Variants in FER observed in about 807,000 individuals in gnomAD.
FER encodes tyrosine-protein kinase Fer.
A neutral mutation model predicts 111.0 loss-of-function variants in FER; 63 were observed. The observed-to-expected ratio is 0.57, with a 90% CI of 0.46 to 0.70. The LOEUF (loss-of-function observed/expected upper bound fraction) is 0.70, where lower values mean the gene tolerates loss of function less well. Among genes scored for constraint, FER ranks in the 30% least tolerant of loss-of-function variants. The pLI is 0.00. For missense variants in FER, 914 were observed against 954.0 expected (o/e 0.96, Z 0.55); for synonymous variants, 327 against 313.9 (o/e 1.04, Z -0.44).
intron 16 of FER, among the ~76,000 whole-genome samples, chr5:109,054,043 A>G (rs1351913202): frequency 2.0e-5 from 3 of 152,032 alleles, no homozygotes; most frequent in African/African-American, 7.3e-5. Context: ...CTGTTGATAG[A>G]CTTTTGGATG....
At chr5:108,889,155 C>T (rs1747631305) in intron 9 of FER, among the ~76,000 whole-genome samples, 1 of 151,738 alleles carries the variant, frequency 6.6e-6, no homozygotes, top group African/African-American at 2.4e-5. Context: ...TTTGGAGGTA[C>T]CTGAAAAAAC....
chr5:109,010,610 A>G (rs1372730594), intron 13 of FER, among the ~76,000 whole-genome samples: 1 of 151,850 alleles, frequency 6.6e-6, no homozygotes, highest in Admixed American at 6.6e-5. Context: ...CATAATCCCT[A>G]TTTCTCACCC....
Position 109,058,339 on chromosome 5 carries a change from T to C in FER, c.1924+11141T>C, listed in dbSNP as rs1399220228. On this transcript the variant is annotated intron_variant, in intron 16 of 19. Coordinates refer to ENST00000281092, the MANE Select transcript of FER (RefSeq NM_005246.4). ...CTGGCACTCACAACTTCTCTTATTG[T>C]ACTGGGTGTTCTAGTTGGTGCAATA... 3.9e-5 allele frequency among the ~76,000 whole-genome samples: 6 copies of C among 152,288 alleles called. No individual in the cohort carries two copies. In the East Asian group the frequency reaches 1.2e-3, roughly 29 times the overall value.
At chr5:108,990,783 T>A (rs1763073037) in intron 13 of FER, among the ~76,000 whole-genome samples, 1 of 151,672 alleles carries the variant, frequency 6.6e-6, no homozygotes, top group Non-Finnish European at 1.5e-5. Flanking sequence ...ATCTTTAAAA[T>A]GAAGGAAGCT....
chr5:108,881,143 T>G (rs1298205661), intron 8 of FER, among the ~76,000 whole-genome samples: 1 of 152,186 alleles, frequency 6.6e-6, no homozygotes, highest in Non-Finnish European at 1.5e-5. Flanking sequence ...TGCACTCACA[T>G]ATAAACACAT....
Position 109,168,930 on chromosome 5 carries a change from A to G in FER, c.2049-11817A>G, listed in dbSNP as rs546295714. Among the ~76,000 whole-genome samples, 4 of 152,362 alleles carry G rather than the reference A, an allele frequency of 2.6e-5. No homozygotes were observed. In the South Asian group the frequency reaches 8.3e-4, roughly 32 times the overall value. On this transcript the variant is annotated intron_variant, in intron 17 of 19. Coordinates refer to ENST00000281092, the MANE Select transcript of FER (RefSeq NM_005246.4). The stretch of plus-strand genomic sequence containing the variant: ...CAGGCATGATAAATTTTACATTTAT[A>G]GAAATTATTTTGTCCACCTGGAGTC...
intron 14 of FER, among the ~76,000 whole-genome samples, 175 bp downstream of exon 14, chr5:109,037,653 A>G (rs1287538191): frequency 9.9e-5 from 15 of 152,074 alleles, no homozygotes; most frequent in Admixed American, 9.8e-4. Context: ...TAGATGTGTG[A>G]AAGTCTTTGA....
intron 10 of FER, among the ~76,000 whole-genome samples, chr5:108,940,661 G>T (rs568701372): frequency 4.3e-4 from 66 of 152,124 alleles, no homozygotes; most frequent in African/African-American, 1.5e-3. Context: ...GAATCTAGAG[G>T]AGCCTAACCC....
intron 2 of FER, among the ~76,000 whole-genome samples, chr5:108,772,512 G>A (rs372292274): frequency 6.6e-6 from 1 of 150,574 alleles, no homozygotes; most frequent in East Asian, 2.0e-4. Context: ...CATCTCTTCT[G>A]GGAATTGCCT....
chr5:109,008,044 T>C (rs996756583), intron 13 of FER, among the ~76,000 whole-genome samples: 1 of 152,230 alleles, frequency 6.6e-6, no homozygotes, highest in Non-Finnish European at 1.5e-5. Flanking sequence ...TTGAGCATCA[T>C]TTCATGTGGT....
At chr5:109,184,006 A>C (rs2126873380) in intron 18 of FER, among the ~76,000 whole-genome samples, 1 of 152,286 alleles carries the variant, frequency 6.6e-6, no homozygotes, top group East Asian at 1.9e-4. Flanking sequence ...TTTAAAAAAA[A>C]ATACAAAATG....
intron 8 of FER, among the ~76,000 whole-genome samples, chr5:108,878,230 T>G (rs1280176140): frequency 6.6e-6 from 1 of 152,172 alleles, no homozygotes; most frequent in Admixed American, 6.6e-5. Context: ...TTAATACAAT[T>G]AAATCTTTAA....
chr5:108,800,206 C>T (rs887071037), intron 3 of FER, among the ~76,000 whole-genome samples: 13 of 152,116 alleles, frequency 8.5e-5, no homozygotes, highest in African/African-American at 2.7e-4. Flanking sequence ...CACTTATCTG[C>T]TTTTCATTTT....
intron 9 of FER, among the ~76,000 whole-genome samples, chr5:108,888,701 T>C (rs1747546324): frequency 6.6e-6 from 1 of 151,914 alleles, no homozygotes. Flanking sequence ...TGTATAGTAT[T>C]TTACATAGTG....
chr5:109,046,099 A>G (rs1411008634), intron 15 of FER, among the ~76,000 whole-genome samples: 1 of 151,234 alleles, frequency 6.6e-6, no homozygotes, highest in African/African-American at 2.4e-5. Context: ...TAGCCCTCTG[A>G]TGAAATTTTG....
chr5:108,984,673 AAC>A (rs1242633535), intron 13 of FER, among the ~76,000 whole-genome samples: 2 of 152,020 alleles, frequency 1.3e-5, no homozygotes, highest in Non-Finnish European at 2.9e-5. Context: ...TACACTGAAA[AAC>A]ACACAAATAT....
At chr5:108,884,066 T>C (rs1581041999) in intron 9 of FER, among the ~76,000 whole-genome samples, 1 of 152,016 alleles carries the variant, frequency 6.6e-6, no homozygotes, top group African/African-American at 2.4e-5. Flanking sequence ...CATTATGCTT[T>C]CTACTGCTTA....
chr5:108,871,232 A>G, intron 6 of FER, 133 bp from the exon 7 acceptor site: 1 of 595,066 alleles, frequency 1.7e-6, no homozygotes, highest in East Asian at 2.9e-5. Context: ...GTATGAAATA[A>G]GGTGGTACAG....
At chr5:108,866,299 G>T (rs1463039947) in intron 5 of FER, among the ~76,000 whole-genome samples, 1 of 152,128 alleles carries the variant, frequency 6.6e-6, no homozygotes, top group East Asian at 1.9e-4. Context: ...CATGGATGAA[G>T]CTGGAAACCA....
Sources: allele counts gnomAD v4.1 joint callset (sites outside exome capture counted in the v4.1 genomes callset), GRCh38; gene constraint gnomAD v4.1.1; transcripts MANE v1.5; gene names NCBI Gene and HGNC (gene_info 2026-07-23, HGNC 2026-07-21).